VWF: variants seen among roughly 807,000 people sequenced by gnomAD.
VWF encodes the protein von Willebrand factor, also known as Factor VIII related antigen.
In VWF, 176 loss-of-function variants were observed where a neutral mutation model predicts 308.6. The ratio of observed to expected loss-of-function variants is 0.57; its 90% confidence interval spans 0.50 to 0.65. The LOEUF (loss-of-function observed/expected upper bound fraction) is 0.65. VWF is among the 30% of genes least tolerant of loss of function. The probability of loss-of-function intolerance (pLI) is 0.00; values close to 1 mark genes in which losing one functional copy is unlikely to be tolerated. For missense variants in VWF, 3,146 were observed against 3,648.2 expected, an observed-to-expected ratio of 0.86 and a Z score of 3.55; for synonymous variants, 1,385 against 1,443.4, an observed-to-expected ratio of 0.96 and a Z score of 0.92.
rs1943552265 is a variant in VWF at position 5,978,154 on chromosome 12, T to C, written c.7288-1894A>G. 1.3e-5 allele frequency among the ~76,000 whole-genome samples: 2 copies of C among 148,228 alleles called. 1 individual carries two copies. The highest frequency in any genetic ancestry group is 4.9e-5 in the African/African-American group (2 of 40,984). On this transcript the variant is annotated intron_variant, in intron 42 of 51. Coordinates refer to ENST00000261405, the MANE Select transcript of VWF (RefSeq NM_000552.5). ...AATAATTATATGATATATTACATCA[T>C]AATATAATTATAATAGTTATTTCAA...
chr12:6,110,641 C>T (rs2136522420), intron 4 of VWF, 59 bp from the exon 5 acceptor site: 1 of 1,568,018 alleles, frequency 6.4e-7, no homozygotes, highest in Non-Finnish European at 8.8e-7. Context: ...GGATGTCTCT[C>T]CCACCTTCTA....
intron 18 of VWF, among the ~76,000 whole-genome samples, chr12:6,037,153 T>C (rs2136432785): frequency 6.6e-6 from 1 of 152,300 alleles, no homozygotes; most frequent in East Asian, 1.9e-4. Flanking sequence ...TAGAAGGAAA[T>C]ACAGAATCTG....
Position 6,072,408 on chromosome 12 carries a change from C to T in VWF, c.1032G>A (p.Glu344=), listed in dbSNP as rs758285268. Residue 344 remains glutamate (E), a synonymous_variant, in exon 9 of 52, where the codon GAG becomes GAA. Transcript: ENST00000261405. ...GQLLDEGLCV[E]STECPCVHSG... ...AATGCACGCAGGGACACTCGGTGCT[C>T]TCCACGCAGAGGCCTTCATCCAGGA... The T allele has an allele frequency of 9.9e-6, 16 of 1,614,004 alleles. No individual in the cohort carries two copies. The highest frequency in any genetic ancestry group is 1.3e-5 in the Non-Finnish European group (15 of 1,180,034).
chr12:6,074,404 G>A (rs575791325), intron 7 of VWF, among the ~76,000 whole-genome samples: 1 of 150,862 alleles, frequency 6.6e-6, no homozygotes, highest in Admixed American at 6.6e-5. Flanking sequence ...ACTCTTTTCT[G>A]GGCTTTCTGA....
chr12:6,050,365 G>A (rs1406710704), intron 16 of VWF, among the ~76,000 whole-genome samples: 3 of 152,196 alleles, frequency 2.0e-5, no homozygotes, highest in South Asian at 4.1e-4. Flanking sequence ...ATCGGTCAAC[G>A]TCAACATTTT....
At chr12:6,056,540 G>A (rs1021009836) in intron 15 of VWF, among the ~76,000 whole-genome samples, 1 of 152,160 alleles carries the variant, frequency 6.6e-6, no homozygotes, top group Admixed American at 6.5e-5. Flanking sequence ...GACCTTCTGT[G>A]CTGAACGAAC....
intron 16 of VWF, among the ~76,000 whole-genome samples, chr12:6,047,841 T>C (rs879597758): frequency 6.6e-6 from 1 of 152,224 alleles, no homozygotes; most frequent in Non-Finnish European, 1.5e-5. Flanking sequence ...GTGATTGACA[T>C]AGGTTGTCAC....
In VWF at chr12:6,057,965, G is replaced by T. The variant is rs139196998; in HGVS notation, c.1613C>A (p.Pro538His). The change falls in exon 14 of 52, where the codon CCC becomes CAC. Residue 538 changes from proline to histidine, a missense_variant. By Grantham distance (77) the Pro-to-His change is moderately conservative (BLOSUM62 -2). Around this residue, in one of 3 missense-constraint regions of VWF, gnomAD observed 1,304 missense variants for 1,353.0 expected, o/e 0.96. Coordinates refer to ENST00000261405, the MANE Select transcript of VWF (RefSeq NM_000552.5). ...CACCCGGGGCTCCGCCAGCCCAGAG[G>T]GGGTAAGGAAGTCGTCGCCCTGGTT... ...NGNQGDDFLT[P>H]SGLAEPRVED... The T allele has an allele frequency of 2.1e-5, 34 of 1,613,652 alleles. No individual in the cohort carries two copies. Among genetic ancestry groups the T allele is most frequent in the African/African-American group, 4.0e-5 (3 of 74,946 alleles).
intron 18 of VWF, among the ~76,000 whole-genome samples, chr12:6,038,437 A>G (rs1274634786): frequency 6.6e-6 from 1 of 152,164 alleles, no homozygotes; most frequent in Non-Finnish European, 1.5e-5. Flanking sequence ...ACCCTTGGGC[A>G]GGCCGGGCTG....
rs895051292 is a variant in VWF at position 6,000,534 on chromosome 12, G to A, written c.5843-4312C>T. Among the ~76,000 whole-genome samples the A allele has an allele frequency of 7.9e-5, 12 of 152,190 alleles. No individual in the cohort carries two copies. In the South Asian group the frequency reaches 1.4e-3, roughly 18 times the overall value. ...TAAGATATCTACTAGAGACCCAGGCGCGGTGGCTCACGCCTGGAATCCCAG... is the reference window on the plus strand; with the variant it reads ...TAAGATATCTACTAGAGACCCAGGCACGGTGGCTCACGCCTGGAATCCCAG... On this transcript the variant is annotated intron_variant, in intron 34 of 51. Transcript: ENST00000261405.
At chr12:5,997,973 A>G (rs1303466076) in intron 34 of VWF, among the ~76,000 whole-genome samples, 1 of 152,206 alleles carries the variant, frequency 6.6e-6, no homozygotes, top group Non-Finnish European at 1.5e-5. Context: ...TATCACTCAT[A>G]AATATCTCCT....
intron 41 of VWF, 122 bp from the exon 42 acceptor site, chr12:5,982,113 C>A: frequency 1.1e-6 from 1 of 885,182 alleles, no homozygotes; most frequent in Non-Finnish European, 1.8e-6. Flanking sequence ...TGTGTGAGGG[C>A]CAAGCTCACG....
chr12:5,994,306 C>T, intron 36 of VWF, 103 bp from the exon 37 acceptor site: 1 of 1,590,858 alleles, frequency 6.3e-7, no homozygotes. Context: ...AGAATCTGAC[C>T]CTCGCTACTA....
In VWF at chr12:5,996,147, G is replaced by A. The variant is rs1258777341; in HGVS notation, c.5918C>T (p.Ser1973Phe). The A allele has an allele frequency of 6.2e-7, 1 of 1,614,012 alleles. No individual in the cohort carries two copies. The highest frequency in any genetic ancestry group is 1.3e-5 in the African/African-American group (1 of 74,940). ...GQNFKLTGSC[S>F]YVLFQNKEQD... ...CTCCTTGTTTTGAAATAGGACATAA[G>A]AACAGCTGCCAGTCAGCTTGAAATT... The change falls in exon 35 of 52, where the codon TCT becomes TTT. Residue 1973 changes from serine to phenylalanine, a missense_variant. This residue lies in a region of VWF where 989 missense variants were observed against 1,117.4 expected (regional missense o/e 0.89). Coordinates refer to ENST00000261405, the MANE Select transcript of VWF (RefSeq NM_000552.5).
At chr12:6,003,595 C>T (rs1339633700) in intron 34 of VWF, among the ~76,000 whole-genome samples, 12 of 151,672 alleles carry the variant, frequency 7.9e-5, no homozygotes, top group Admixed American at 6.6e-4. Flanking sequence ...ATAAGCCAGT[C>T]GCAATAGGAA....
chr12:6,057,543 G>C (rs113526614), intron 14 of VWF, among the ~76,000 whole-genome samples: 1 of 144,388 alleles, frequency 6.9e-6, no homozygotes, highest in Non-Finnish European at 1.5e-5. Flanking sequence ...AGAAATGGGG[G>C]CTCCCTACGT....
intron 3 of VWF, among the ~76,000 whole-genome samples, chr12:6,113,358 C>T (rs985838896): frequency 4.1e-5 from 6 of 147,956 alleles, no homozygotes; most frequent in Non-Finnish European, 8.9e-5. Flanking sequence ...AGTGCAGTGG[C>T]GCGATCTCGG....
At chr12:6,123,048 G>C (rs1945448193) in intron 2 of VWF, 94 bp downstream of exon 2, 4 of 1,512,772 alleles carry the variant, frequency 2.6e-6, no homozygotes, top group Non-Finnish European at 3.7e-6. Context: ...TGGGCACACA[G>C]GTGAGCTCCA....
intron 5 of VWF, among the ~76,000 whole-genome samples, chr12:6,105,921 T>C (rs1226615611): frequency 6.6e-6 from 1 of 151,638 alleles, no homozygotes; most frequent in Non-Finnish European, 1.5e-5. Context: ...CATGCGCCTG[T>C]AGTCCCAGCT....
Sources: gnomAD v4.1 joint callset for allele counts (sites outside exome capture counted in the v4.1 genomes callset) on GRCh38, gnomAD v4.1.1 for gene constraint, gnomAD v4.1.1 regional missense constraint, MANE v1.5 for transcripts, NCBI Gene and HGNC (gene_info 2026-07-23, HGNC 2026-07-21) for gene names.